The following MYCBP2 variants were observed in gnomAD, a reference collection of about 807,000 sequenced individuals.
MYCBP2 encodes the protein E3 ubiquitin-protein ligase MYCBP2.
A neutral mutation model predicts 525.3 loss-of-function variants in MYCBP2; 120 were observed. That is an observed-to-expected ratio of 0.23 (90% CI 0.20 to 0.27). The LOEUF is 0.27. MYCBP2 is among the 10% of genes least tolerant of loss of function. The pLI is 1.00. For missense variants in MYCBP2, 4,149 were observed against 5,657.1 expected (o/e 0.73, Z 8.55); for synonymous variants, 1,894 against 1,955.8 (o/e 0.97, Z 0.83).
At chr13:77,064,552 T>TA in intron 73 of MYCBP2, 63 bp downstream of exon 73, 1 of 1,490,158 alleles carries the variant, frequency 6.7e-7, no homozygotes, top group East Asian at 2.5e-5. Flanking sequence ...AATCTATTAC[T>TA]AAAAAAGAAC....
At chr13:77,196,628 A>T (rs2061782945) in intron 26 of MYCBP2, among the ~76,000 whole-genome samples, 1 of 152,144 alleles carries the variant, frequency 6.6e-6, no homozygotes, top group South Asian at 2.1e-4. Flanking sequence ...ATCAAGGATG[A>T]CTCCAAGATT....
At chr13:77,121,751 T>C (rs770124488) in intron 54 of MYCBP2, among the ~76,000 whole-genome samples, 2 of 152,218 alleles carry the variant, frequency 1.3e-5, no homozygotes, top group Admixed American at 6.5e-5. Flanking sequence ...TTTACTTTTA[T>C]TGTGGCAGGA....
chr13:77,279,213 G>T (rs1290226350), intron 3 of MYCBP2, among the ~76,000 whole-genome samples: 1 of 152,100 alleles, frequency 6.6e-6, no homozygotes, highest in East Asian at 1.9e-4. Flanking sequence ...AGTCAACACA[G>T]CACATATAGT....
chr13:77,199,808 C>A (rs535260066), intron 26 of MYCBP2, among the ~76,000 whole-genome samples: 1 of 152,314 alleles, frequency 6.6e-6, no homozygotes, highest in African/African-American at 2.4e-5. Flanking sequence ...GCCTGGTACT[C>A]CAACAGACCT....
At chr13:77,050,921 A>T in intron 82 of MYCBP2, 76 bp downstream of exon 82, 1 of 1,287,412 alleles carries the variant, frequency 7.8e-7, no homozygotes, top group Non-Finnish European at 1.1e-6. Context: ...CACTTGAAAC[A>T]GAGCTTTCAT....
At chr13:77,148,236 T>C (rs2055922672) in intron 47 of MYCBP2, among the ~76,000 whole-genome samples, 1 of 152,070 alleles carries the variant, frequency 6.6e-6, no homozygotes, top group African/African-American at 2.4e-5. Context: ...GAATTCATAA[T>C]GAGATTATTA....
In MYCBP2 at chr13:77,294,784, C is replaced by G. The variant is rs569187063; in HGVS notation, c.378+1815G>C. Among the ~76,000 whole-genome samples, 5 of 152,300 alleles carry G rather than the reference C, an allele frequency of 3.3e-5. No homozygotes were observed. In the South Asian group the frequency reaches 1.0e-3, roughly 32 times the overall value. Reference sequence around the variant, plus strand: ...GAAGCAGAAGTAATGAGAAGGGATACAGTGAACAGATTATTTTTCTGCCTA... The same window carrying G: ...GAAGCAGAAGTAATGAGAAGGGATAGAGTGAACAGATTATTTTTCTGCCTA... On this transcript the variant is annotated intron_variant, in intron 2 of 82. Transcript: ENST00000544440.
At chr13:77,059,722 G>A in intron 76 of MYCBP2, 96 bp from the exon 77 acceptor site, 1 of 778,896 alleles carries the variant, frequency 1.3e-6, no homozygotes, top group East Asian at 2.6e-5. Flanking sequence ...GTTTGTATAA[G>A]TTGCTATCCT....
At chr13:77,110,748 T>C (rs542842572) in intron 55 of MYCBP2, among the ~76,000 whole-genome samples, 1 of 152,222 alleles carries the variant, frequency 6.6e-6, no homozygotes, top group African/African-American at 2.4e-5. Context: ...GACTGGCCAA[T>C]GCTTAGGGAA....
In MYCBP2 at chr13:77,229,043, C is replaced by A. The variant is rs2066752020; in HGVS notation, c.2738-3489G>T. ...CAATTTACTAAGCACTTGCTGTGTG[C>A]TAACTGAACACTGTAAACAATTAAA... On this transcript the variant is annotated intron_variant, in intron 18 of 82. Transcript: ENST00000544440. Among the ~76,000 whole-genome samples, 4 of 152,098 alleles carry A rather than the reference C, an allele frequency of 2.6e-5. No homozygotes were observed. The South Asian group carries it at 8.3e-4, about 32-fold the overall frequency.
At chr13:77,181,275 C>T (rs963689130) in intron 33 of MYCBP2, among the ~76,000 whole-genome samples, 5 of 151,964 alleles carry the variant, frequency 3.3e-5, no homozygotes, top group African/African-American at 1.2e-4. Context: ...ATTTACAGTG[C>T]TTATTTTAAT....
intron 32 of MYCBP2, among the ~76,000 whole-genome samples, chr13:77,184,551 T>G (rs1032175488): frequency 6.6e-6 from 1 of 152,216 alleles, no homozygotes; most frequent in Non-Finnish European, 1.5e-5. Flanking sequence ...TCGCTGATGT[T>G]TTTGGCCTAG....
chr13:77,174,816 C>T (rs187741304), intron 36 of MYCBP2, among the ~76,000 whole-genome samples: 2 of 139,772 alleles, frequency 1.4e-5, no homozygotes, highest in African/African-American at 5.5e-5. Context: ...AGTCACGCAG[C>T]TAGTAAGTGA....
intron 55 of MYCBP2, among the ~76,000 whole-genome samples, chr13:77,112,952 TATACTC>T (rs1461036590): frequency 6.6e-6 from 1 of 152,212 alleles, no homozygotes; most frequent in Non-Finnish European, 1.5e-5. Flanking sequence ...CACACTTCTC[TATACTC>T]ATTGTCTCCA....
At chr13:77,064,928 C>A (rs1181116238) in intron 72 of MYCBP2, among the ~76,000 whole-genome samples, 194 bp from the exon 73 acceptor site, 1 of 152,088 alleles carries the variant, frequency 6.6e-6, no homozygotes, top group Non-Finnish European at 1.5e-5. Flanking sequence ...TTCTAATCAT[C>A]ATTTTGATAT....
At position 77,089,014 on chromosome 13, in the gene MYCBP2, A is replaced by G. The variant is rs897315749; in HGVS notation, c.10543T>C (p.Leu3515=). Residue 3515 remains leucine, a synonymous_variant, in exon 61 of 83, where the codon TTG becomes CTG. Transcript: ENST00000544440. ...GAAAGCTCAGGAGACGGATGTCTCA[A>G]AAGGGAAGAACCAACTTCTATTAAA... ...SGDTEVGSSL[L]RHPSPELSRL... is the part of the protein sequence containing the mutation. The G allele has an allele frequency of 8.1e-6, 13 of 1,611,916 alleles. No homozygotes were observed. Among genetic ancestry groups the G allele is most frequent in the Non-Finnish European group, 1.1e-5 (13 of 1,178,890 alleles).
At chr13:77,245,041 A>G (rs2069607545) in intron 15 of MYCBP2, among the ~76,000 whole-genome samples, 1 of 152,236 alleles carries the variant, frequency 6.6e-6, no homozygotes, top group Non-Finnish European at 1.5e-5. Flanking sequence ...AATGCAAATC[A>G]AAACCACAAT....
At chr13:77,216,969 C>G (rs956302547) in intron 21 of MYCBP2, among the ~76,000 whole-genome samples, 14 of 152,186 alleles carry the variant, frequency 9.2e-5, no homozygotes, top group Non-Finnish European at 4.4e-5. Context: ...TGCATACACA[C>G]ACACTGCGTG....
intron 33 of MYCBP2, among the ~76,000 whole-genome samples, chr13:77,181,417 A>T (rs1298307246): frequency 6.6e-6 from 1 of 152,188 alleles, no homozygotes; most frequent in African/African-American, 2.4e-5. Flanking sequence ...GGAAAAACAA[A>T]TATGTAGGTA....
Sources: allele counts gnomAD v4.1 joint callset (sites outside exome capture counted in the v4.1 genomes callset), GRCh38; gene constraint gnomAD v4.1.1; transcripts MANE v1.5; gene names NCBI Gene and HGNC (gene_info 2026-07-23, HGNC 2026-07-21).